SGCD: variants seen among roughly 807,000 people sequenced by gnomAD.
SGCD encodes sarcoglycan delta.
In SGCD, 18 loss-of-function variants were observed where a neutral mutation model predicts 36.6. That is an observed-to-expected ratio of 0.49 (90% CI 0.34 to 0.73). SGCD has a LOEUF of 0.73. SGCD is among the 30% of genes least tolerant of loss of function. The probability of loss-of-function intolerance (pLI) is 0.01; values close to 1 mark genes in which losing one functional copy is unlikely to be tolerated. For missense variants in SGCD, 387 were observed against 346.7 expected (o/e 1.12, Z -0.92); for synonymous variants, 133 against 130.6 (o/e 1.02, Z -0.12).
intron 3 of SGCD, among the ~76,000 whole-genome samples, chr5:156,268,170 C>CT (rs1222903792): frequency 6.6e-6 from 1 of 152,148 alleles, no homozygotes; most frequent in East Asian, 1.9e-4. Flanking sequence ...TGATCCCATT[C>CT]TTTTTTATGG....
At chr5:156,077,945 A>G (rs1760834628) in intron 1 of SGCD, among the ~76,000 whole-genome samples, 1 of 152,144 alleles carries the variant, frequency 6.6e-6, no homozygotes, top group Non-Finnish European at 1.5e-5. Flanking sequence ...TTAATCTTTC[A>G]ATCTTACAAA....
At chr5:156,369,586 T>G (rs1208926132) in intron 3 of SGCD, among the ~76,000 whole-genome samples, 4 of 152,220 alleles carry the variant, frequency 2.6e-5, no homozygotes, top group Non-Finnish European at 5.9e-5. Context: ...TGCTTGCCAC[T>G]CCCTATTGGA....
intron 3 of SGCD, among the ~76,000 whole-genome samples, chr5:156,158,158 A>G (rs1395858985): frequency 6.6e-6 from 1 of 151,454 alleles, no homozygotes; most frequent in Admixed American, 6.6e-5. Context: ...AAAGCTACTG[A>G]TCATGACTGA....
chr5:155,932,995 G>A (rs1274656273), intron 1 of SGCD, among the ~76,000 whole-genome samples: 1 of 152,106 alleles, frequency 6.6e-6, no homozygotes, highest in Non-Finnish European at 1.5e-5. Context: ...TACCTCTTCT[G>A]CATTTTCATT....
At chr5:156,186,264 G>C (rs1236840418) in intron 3 of SGCD, among the ~76,000 whole-genome samples, 4 of 152,064 alleles carry the variant, frequency 2.6e-5, no homozygotes, top group Non-Finnish European at 5.9e-5. Flanking sequence ...TCTATATTGA[G>C]TTCTAACATA....
At chr5:155,959,326 A>T (rs1401827648) in intron 1 of SGCD, among the ~76,000 whole-genome samples, 1 of 152,118 alleles carries the variant, frequency 6.6e-6, no homozygotes, top group Non-Finnish European at 1.5e-5. Flanking sequence ...TGTCTCCTTC[A>T]TCCCTCTCTT....
In SGCD at chr5:156,465,373, T is replaced by C. The variant is rs146715075; in HGVS notation, c.193-43228T>C. On this transcript the variant is annotated intron_variant, in intron 3 of 8. Transcript: ENST00000337851. ...TATAAGGAAGAAAACTTTTGTATCC[T>C]AGTGAAATGAATTGATATACCTTGT... Among the ~76,000 whole-genome samples, 427 of 152,294 alleles carry C rather than the reference T, an allele frequency of 2.8e-3. 2 individuals carry two copies. The highest frequency in any genetic ancestry group is 0.01 in the Middle Eastern group (3 of 294).
At chr5:156,035,424 A>G (rs142239333) in intron 1 of SGCD, among the ~76,000 whole-genome samples, 2 of 152,096 alleles carry the variant, frequency 1.3e-5, no homozygotes, top group South Asian at 4.1e-4. Context: ...TGGGCAACGT[A>G]GCGAAACCCT....
At chr5:156,188,677 G>GAC (rs1561557064) in intron 3 of SGCD, among the ~76,000 whole-genome samples, 2 of 119,938 alleles carry the variant, frequency 1.7e-5, no homozygotes, top group Admixed American at 7.9e-5. Context: ...CGCCCCCCCC[G>GAC]ACACACATAC....
chr5:156,406,467 T>C (rs1772415837), intron 3 of SGCD, among the ~76,000 whole-genome samples: 1 of 151,998 alleles, frequency 6.6e-6, no homozygotes, highest in Non-Finnish European at 1.5e-5. Context: ...GTGCATCCAA[T>C]TCCCTCTTTT....
At chr5:156,034,428 T>C (rs1464664209) in intron 1 of SGCD, among the ~76,000 whole-genome samples, 1 of 152,260 alleles carries the variant, frequency 6.6e-6, no homozygotes, top group Non-Finnish European at 1.5e-5. Flanking sequence ...GCCAGAACAA[T>C]GAAGCTTCAA....
chr5:156,641,071 A>C (rs769767286), intron 6 of SGCD, among the ~76,000 whole-genome samples: 2 of 152,218 alleles, frequency 1.3e-5, no homozygotes, highest in Non-Finnish European at 2.9e-5. Flanking sequence ...TTGGTTAAAC[A>C]TAACGCAACT....
intron 3 of SGCD, among the ~76,000 whole-genome samples, chr5:156,186,925 A>G (rs976687940): frequency 4.6e-5 from 7 of 152,250 alleles, no homozygotes; most frequent in South Asian, 4.1e-4. Flanking sequence ...CATGAGTAAT[A>G]TTTGTTCTCT....
At chr5:156,053,259 A>T (rs569866351) in intron 1 of SGCD, among the ~76,000 whole-genome samples, 1 of 146,194 alleles carries the variant, frequency 6.8e-6, no homozygotes, top group Non-Finnish European at 1.5e-5. Context: ...GTTAAGGGCT[A>T]TAGCAGAATG....
intron 3 of SGCD, among the ~76,000 whole-genome samples, chr5:156,305,080 A>G (rs1407697821): frequency 6.6e-6 from 1 of 152,242 alleles, no homozygotes; most frequent in African/African-American, 2.4e-5. Context: ...TGCAATAGAA[A>G]AGAAAATCCC....
chr5:156,293,627 A>G, intron 3 of SGCD, among the ~76,000 whole-genome samples: 1 of 152,266 alleles, frequency 6.6e-6, no homozygotes, highest in East Asian at 1.9e-4. Flanking sequence ...TCATTTTACC[A>G]TATATGTCAA....
At chr5:156,632,398 T>C (rs1025191277) in intron 6 of SGCD, among the ~76,000 whole-genome samples, 3 of 152,176 alleles carry the variant, frequency 2.0e-5, no homozygotes, top group Non-Finnish European at 4.4e-5. Context: ...GCAGAGACAT[T>C]GTAACTATCC....
chr5:156,219,166 A>T (rs1764655175), intron 3 of SGCD, among the ~76,000 whole-genome samples: 1 of 152,214 alleles, frequency 6.6e-6, no homozygotes, highest in Admixed American at 6.5e-5. Flanking sequence ...TTACTTTGCA[A>T]CCTTGCGAAA....
intron 3 of SGCD, among the ~76,000 whole-genome samples, chr5:156,374,271 C>T (rs1770542610): frequency 6.6e-6 from 1 of 152,098 alleles, no homozygotes; most frequent in Non-Finnish European, 1.5e-5. Flanking sequence ...ACAGAAAATA[C>T]CTGTGAAACA....
Sources: allele counts gnomAD v4.1 joint callset (sites outside exome capture counted in the v4.1 genomes callset), GRCh38; gene constraint gnomAD v4.1.1; transcripts MANE v1.5; gene names NCBI Gene and HGNC (gene_info 2026-07-23, HGNC 2026-07-21).